The following JADE1 variants were observed in gnomAD, a reference collection of about 807,000 sequenced individuals.
JADE1 encodes jade family PHD finger 1.
Under a neutral mutation model 81.8 loss-of-function variants are expected in JADE1, and 14 were observed. The ratio of observed to expected loss-of-function variants is 0.17; its 90% CI spans 0.11 to 0.27. The LOEUF is 0.27. Among genes scored for constraint, JADE1 ranks in the 10% least tolerant of loss-of-function variants. JADE1 has a pLI of 1.00. For synonymous variants in JADE1, 353 were observed against 391.9 expected (o/e 0.90, Z 1.17); for missense variants, 690 against 1,047.9 (o/e 0.66, Z 4.71).
rs562541667 is a variant in JADE1 at position 128,861,642 on chromosome 4, G to A, written c.982-62G>A. 1.2e-5 allele frequency: 19 copies of A among 1,563,994 alleles called. No individual in the cohort carries two copies. The African/African-American group carries it at 1.6e-4, about 13-fold the overall frequency. ...TGTACATGGGGTGCCTAGCACTGCA[G>A]GCCTTCTGCCATCATTGCTCTATAA... On this transcript the variant is annotated intron_variant, in intron 8 of 10. Coordinates refer to ENST00000226319, the MANE Select transcript of JADE1 (RefSeq NM_199320.4).
At chr4:128,831,890 A>G in intron 2 of JADE1, 80 bp downstream of exon 2, 1 of 1,285,910 alleles carries the variant, frequency 7.8e-7, no homozygotes, top group Admixed American at 1.7e-5. Context: ...GTAATGCTTT[A>G]AATTGCTGAG....
At chr4:128,842,880 A>G (rs1729563198) in intron 2 of JADE1, 73 bp from the exon 3 acceptor site, 2 of 1,365,876 alleles carry the variant, frequency 1.5e-6, no homozygotes, top group African/African-American at 2.9e-5. Flanking sequence ...GAGTTTGGGT[A>G]AGAAAACCCC....
At chr4:128,864,415 G>T in intron 9 of JADE1, 1 of 982,838 alleles carries the variant, frequency 1.0e-6, no homozygotes, top group South Asian at 4.7e-5. Context: ...CAGAGTGTTG[G>T]GATTACGCCA....
intron 1 of JADE1, among the ~76,000 whole-genome samples, chr4:128,828,234 T>C (rs1012768994): frequency 6.6e-6 from 1 of 152,196 alleles, no homozygotes; most frequent in Admixed American, 6.5e-5. Flanking sequence ...TGAGTAGCCA[T>C]TTTAATTGAT....
Position 128,846,573 on chromosome 4 carries a change from T to C in JADE1, c.296+41T>C. 3.1e-6 allele frequency: 5 copies of C among 1,605,044 alleles called. No homozygotes were observed. Among genetic ancestry groups the C allele is most frequent in the Non-Finnish European group, 4.3e-6 (5 of 1,174,562 alleles). On this transcript the variant is annotated intron_variant, in intron 4 of 10. Transcript: ENST00000226319. The surrounding 1 kb of genome is among the most constrained non-coding windows in gnomAD (Gnocchi z 4.0). Reference sequence around the variant, plus strand: ...GGACAGAAGCCTCTCCACCCACCCTTGCTCTTCTTCCCTGACAGCAGGCAT... The same window carrying C: ...GGACAGAAGCCTCTCCACCCACCCTCGCTCTTCTTCCCTGACAGCAGGCAT...
In JADE1 at chr4:128,812,297, G is replaced by GGGA. The variant is rs558931543; in HGVS notation, c.-27+2439_-27+2441dup. On this transcript the variant is annotated intron_variant, in intron 1 of 10. Transcript: ENST00000226319. ...CCCGCGCTGTTGTTTCTGTCGCCTCGGGAGGAGGAGGAGGAGGAGGATTGG... is the reference window on the plus strand; with the variant it reads ...CCCGCGCTGTTGTTTCTGTCGCCTCGGGAGGAGGAGGAGGAGGAGGAGGATTGG... 7.7e-3 allele frequency among the ~76,000 whole-genome samples: 1,168 copies of GGGA among 151,662 alleles called. 4 individuals carry two copies. Among genetic ancestry groups the GGGA allele is most frequent in the East Asian group, 0.016 (83 of 5,106 alleles).
chr4:128,831,705 G>A, intron 1 of JADE1, 28 bp from the exon 2 acceptor site: 1 of 1,601,974 alleles, frequency 6.2e-7, no homozygotes, highest in African/African-American at 1.3e-5. Context: ...TATCATCTTG[G>A]GTTAAGTGCT....
At chr4:128,840,516 TC>T (rs1271059347) in intron 2 of JADE1, among the ~76,000 whole-genome samples, 2 of 152,196 alleles carry the variant, frequency 1.3e-5, no homozygotes, top group Non-Finnish European at 2.9e-5. Flanking sequence ...TTCTGATAAT[TC>T]CATCCAGACA....
chr4:128,828,561 A>G (rs1728261249), intron 1 of JADE1, among the ~76,000 whole-genome samples: 1 of 152,026 alleles, frequency 6.6e-6, no homozygotes, highest in African/African-American at 2.4e-5. Flanking sequence ...CTCATTACTC[A>G]AGATCTTCAG....
rs1560754814 is a variant in JADE1, at chr4:128,846,524, T to C, written c.288T>C (p.Pro96=). Residue 96 remains proline (P), a synonymous_variant, in exon 4 of 11, where the codon CCT becomes CCC. Coordinates refer to ENST00000226319, the MANE Select transcript of JADE1 (RefSeq NM_199320.4). The surrounding 1 kb of genome is among the most constrained non-coding windows in gnomAD (Gnocchi z 4.0). ...TGAGCCCGGGGACCATCCCTCAGCCTGTGGCCAGGTAGAGATGCCCTGAGG... is the reference window on the plus strand; with the variant it reads ...TGAGCCCGGGGACCATCCCTCAGCCCGTGGCCAGGTAGAGATGCCCTGAGG... ...VPVSPGTIPQ[P]VARVVSEEKS... 2 of 1,614,116 alleles carry C rather than the reference T, an allele frequency of 1.2e-6. No individual in the cohort carries two copies. The highest frequency in any genetic ancestry group is 1.7e-6 in the Non-Finnish European group (2 of 1,180,008).
intron 1 of JADE1, among the ~76,000 whole-genome samples, chr4:128,817,195 C>A (rs1275697686): frequency 1.3e-5 from 2 of 152,002 alleles, no homozygotes; most frequent in Non-Finnish European, 2.9e-5. Flanking sequence ...CAATTGACAT[C>A]TGTCTCTTTG....
intron 1 of JADE1, among the ~76,000 whole-genome samples, chr4:128,825,403 C>T (rs1056543035): frequency 2.0e-5 from 3 of 152,172 alleles, no homozygotes; most frequent in African/African-American, 7.2e-5. Context: ...TTCTTAGAAT[C>T]ATCACATCAG....
chr4:128,845,685 C>A (rs1006578892), intron 3 of JADE1, among the ~76,000 whole-genome samples: 63 of 152,086 alleles, frequency 4.1e-4, no homozygotes, highest in African/African-American at 1.5e-3. Flanking sequence ...GTGGCCGAGG[C>A]AGGTAGATCA....
intron 8 of JADE1, among the ~76,000 whole-genome samples, chr4:128,859,822 C>T (rs1348514714): frequency 6.6e-6 from 1 of 152,136 alleles, no homozygotes; most frequent in Non-Finnish European, 1.5e-5. Flanking sequence ...TTTCCCAGAA[C>T]ATTAATCTAA....
At chr4:128,827,663 T>C (rs1728193414) in intron 1 of JADE1, among the ~76,000 whole-genome samples, 1 of 152,150 alleles carries the variant, frequency 6.6e-6, no homozygotes, top group Non-Finnish European at 1.5e-5. Context: ...TTTGATGAGG[T>C]TGCCTCATGG....
intron 1 of JADE1, among the ~76,000 whole-genome samples, chr4:128,822,524 C>T (rs1327646224): frequency 1.3e-5 from 2 of 150,844 alleles, no homozygotes; most frequent in African/African-American, 4.9e-5. Context: ...CCAGCCTGAC[C>T]AACATGGAGA....
chr4:128,853,657 G>T (rs1283579399), intron 6 of JADE1, among the ~76,000 whole-genome samples: 1 of 152,182 alleles, frequency 6.6e-6, no homozygotes, highest in Non-Finnish European at 1.5e-5. Flanking sequence ...CTATCCTGAA[G>T]TACTTTCTTT....
At chr4:128,861,249 C>T (rs749392212) in intron 8 of JADE1, among the ~76,000 whole-genome samples, 46 of 152,240 alleles carry the variant, frequency 3.0e-4, no homozygotes, top group Non-Finnish European at 4.6e-4. Context: ...GCCACACCTC[C>T]TTTCTCTACA....
At chr4:128,870,379 G>C (rs1014625963) in intron 10 of JADE1, among the ~76,000 whole-genome samples, 2 of 152,086 alleles carry the variant, frequency 1.3e-5, no homozygotes, top group African/African-American at 4.8e-5. Context: ...GCTGAACCTT[G>C]TTTTCTTGGT....
Sources: gnomAD v4.1 joint callset for allele counts (sites outside exome capture counted in the v4.1 genomes callset) on GRCh38, gnomAD v4.1.1 for gene constraint, Gnocchi (gnomAD v3.1) non-coding constraint, MANE v1.5 for transcripts, NCBI Gene and HGNC (gene_info 2026-07-23, HGNC 2026-07-21) for gene names.